Variants in SGCZ observed in about 807,000 individuals in gnomAD.
SGCZ encodes sarcoglycan zeta.
In SGCZ, 40 loss-of-function variants were observed where a neutral mutation model predicts 41.3. That is an observed-to-expected ratio of 0.97 (90% CI 0.75 to 1.26). The LOEUF (loss-of-function observed/expected upper bound fraction) is 1.26, where lower values mean the gene tolerates loss of function less well. Among genes scored for constraint, SGCZ ranks in the 50% most tolerant of loss-of-function variants. The probability of loss-of-function intolerance (pLI) is 0.00; values close to 1 mark genes in which losing one functional copy is unlikely to be tolerated. For synonymous variants in SGCZ, 206 were observed against 137.5 expected, an observed-to-expected ratio of 1.50 and a Z score of -3.49; for missense variants, 552 against 369.8, an observed-to-expected ratio of 1.49 and a Z score of -4.04.
intron 1 of SGCZ, among the ~76,000 whole-genome samples, chr8:14,765,782 G>A (rs1585241756): frequency 1.3e-5 from 2 of 152,170 alleles, no homozygotes; most frequent in Non-Finnish European, 2.9e-5. Context: ...AAATGCGTGT[G>A]CGCAGACACA....
At chr8:14,382,674 G>A (rs985242208) in intron 2 of SGCZ, among the ~76,000 whole-genome samples, 2 of 152,200 alleles carry the variant, frequency 1.3e-5, no homozygotes, top group Admixed American at 6.5e-5. Context: ...TAAGGTAAGT[G>A]CTCAGAACAT....
chr8:14,510,814 A>G (rs1802445483), intron 2 of SGCZ, among the ~76,000 whole-genome samples: 1 of 152,132 alleles, frequency 6.6e-6, no homozygotes, highest in Non-Finnish European at 1.5e-5. Flanking sequence ...GTATGTAAAT[A>G]AAAAGCTAAA....
chr8:14,116,019 C>T (rs936242266), intron 5 of SGCZ, among the ~76,000 whole-genome samples: 1 of 152,068 alleles, frequency 6.6e-6, no homozygotes, highest in Non-Finnish European at 1.5e-5. Flanking sequence ...GCAGCACTTT[C>T]ATTGCTTAAT....
chr8:14,458,188 A>G (rs1210627624), intron 2 of SGCZ, among the ~76,000 whole-genome samples: 2 of 152,210 alleles, frequency 1.3e-5, no homozygotes, highest in Non-Finnish European at 2.9e-5. Flanking sequence ...AAAATCAACC[A>G]CAATGTGTGG....
At chr8:15,026,895 T>C (rs976942371) in intron 1 of SGCZ, among the ~76,000 whole-genome samples, 1 of 152,212 alleles carries the variant, frequency 6.6e-6, no homozygotes, top group East Asian at 1.9e-4. Flanking sequence ...GCTAACAGCA[T>C]AAGTCCCTTC....
At chr8:14,817,340 A>C (rs1167001446) in intron 1 of SGCZ, among the ~76,000 whole-genome samples, 1 of 152,152 alleles carries the variant, frequency 6.6e-6, no homozygotes, top group Non-Finnish European at 1.5e-5. Context: ...CTGCCACAAA[A>C]TACAAGCAAT....
rs183790562 is a variant in SGCZ, at chr8:14,519,829, G to A, written c.234+34903C>T. 2.5e-3 allele frequency among the ~76,000 whole-genome samples: 380 copies of A among 152,160 alleles called. 2 individuals are homozygous for A. Among genetic ancestry groups the A allele is most frequent in the African/African-American group, 8.6e-3 (356 of 41,530 alleles). On this transcript the variant is annotated intron_variant, in intron 2 of 7. Transcript: ENST00000382080. Reference sequence around the variant, plus strand: ...ACTTTCTAACATTTTAAAATAAAGCGTGGCATACCACTGATCGTGTTTTGT... The same window carrying A: ...ACTTTCTAACATTTTAAAATAAAGCATGGCATACCACTGATCGTGTTTTGT...
chr8:14,973,141 A>G (rs1801354811), intron 1 of SGCZ, among the ~76,000 whole-genome samples: 1 of 152,176 alleles, frequency 6.6e-6, no homozygotes, highest in African/African-American at 2.4e-5. Context: ...GTGTCCATTT[A>G]TTCTCTGACC....
At chr8:14,500,315 A>T (rs181035791) in intron 2 of SGCZ, among the ~76,000 whole-genome samples, 136 of 152,186 alleles carry the variant, frequency 8.9e-4, no homozygotes, top group Non-Finnish European at 5.3e-4. Flanking sequence ...ATCAGGCGCC[A>T]TTGTCAGAAA....
intron 2 of SGCZ, among the ~76,000 whole-genome samples, chr8:14,476,055 C>T (rs910152535): frequency 1.3e-5 from 2 of 151,962 alleles, no homozygotes; most frequent in African/African-American, 4.8e-5. Context: ...AATCTTCTAC[C>T]TTACTTCCCA....
chr8:14,238,496 C>A (rs1806848853), intron 3 of SGCZ, among the ~76,000 whole-genome samples: 1 of 152,098 alleles, frequency 6.6e-6, no homozygotes, highest in Non-Finnish European at 1.5e-5. Context: ...GGACATAAAA[C>A]TCTGGTAACG....
In SGCZ at chr8:14,882,734, T is replaced by G. The variant is rs1170059702; in HGVS notation, c.40-327808A>C. ...AACACAACTCCTGGTAATACCTTCCTCAATCTACCCTCTTTTTCTATTTTT... is the reference window on the plus strand; with the variant it reads ...AACACAACTCCTGGTAATACCTTCCGCAATCTACCCTCTTTTTCTATTTTT... On this transcript the variant is annotated intron_variant, in intron 1 of 7. Coordinates refer to ENST00000382080, the MANE Select transcript of SGCZ (RefSeq NM_139167.4). Among the ~76,000 whole-genome samples, 10 of 152,058 alleles carry G rather than the reference T, an allele frequency of 6.6e-5. No homozygotes were observed. In the East Asian group the frequency reaches 1.9e-3, roughly 29 times the overall value.
rs189464227 is a variant in SGCZ at position 14,226,632 on chromosome 8, T to C, written c.424+10960A>G. Among the ~76,000 whole-genome samples, 1,074 of 152,264 alleles carry C rather than the reference T, an allele frequency of 7.1e-3. 4 individuals are homozygous for C. The highest frequency in any genetic ancestry group is 0.011 in the Non-Finnish European group (779 of 67,994). On this transcript the variant is annotated intron_variant, in intron 4 of 7. Transcript: ENST00000382080. ...GAAGGATATTTGAGTTGACTCCCGT[T>C]GTTGGCAATTGTGGATAGAGCTGCT...
chr8:14,625,964 T>C (rs1373479807), intron 1 of SGCZ, among the ~76,000 whole-genome samples: 1 of 152,104 alleles, frequency 6.6e-6, no homozygotes, highest in Non-Finnish European at 1.5e-5. Context: ...GACAGCAAAG[T>C]TTCATCCAAG....
At chr8:14,913,419 C>T (rs1021626866) in intron 1 of SGCZ, among the ~76,000 whole-genome samples, 4 of 151,950 alleles carry the variant, frequency 2.6e-5, no homozygotes, top group East Asian at 3.9e-4. Flanking sequence ...CTTAAAGATT[C>T]ACTATTCATT....
intron 3 of SGCZ, among the ~76,000 whole-genome samples, chr8:14,237,922 C>T (rs1382180554): frequency 1.3e-5 from 2 of 152,182 alleles, no homozygotes; most frequent in Admixed American, 6.5e-5. Flanking sequence ...GCATTTCCAA[C>T]CCTACTGATT....
chr8:14,165,744 T>C (rs901032618), intron 4 of SGCZ, among the ~76,000 whole-genome samples: 5 of 152,196 alleles, frequency 3.3e-5, no homozygotes, highest in African/African-American at 1.2e-4. Flanking sequence ...ATGTATTCAC[T>C]TTATTTATTA....
intron 1 of SGCZ, among the ~76,000 whole-genome samples, chr8:15,125,606 T>G (rs1237490593): frequency 6.6e-6 from 1 of 152,184 alleles, no homozygotes; most frequent in African/African-American, 2.4e-5. Flanking sequence ...CTATATTTTT[T>G]CATATACCCC....
At chr8:14,123,112 T>G (rs1000104064) in intron 5 of SGCZ, among the ~76,000 whole-genome samples, 1 of 152,134 alleles carries the variant, frequency 6.6e-6, no homozygotes, top group Non-Finnish European at 1.5e-5. Context: ...AGATTCAAAC[T>G]TTTTTGGAAG....
Sources: allele counts gnomAD v4.1 joint callset (sites outside exome capture counted in the v4.1 genomes callset), GRCh38; gene constraint gnomAD v4.1.1; transcripts MANE v1.5; gene names NCBI Gene and HGNC (gene_info 2026-07-23, HGNC 2026-07-21).